MAGOHB: variants seen among roughly 807,000 people sequenced by gnomAD.
The protein encoded by MAGOHB is protein mago nashi homolog 2.
In MAGOHB, 15 loss-of-function variants were observed where a neutral mutation model predicts 20.9. The ratio of observed to expected loss-of-function variants is 0.72; its 90% CI spans 0.48 to 1.11. The LOEUF (loss-of-function observed/expected upper bound fraction) is 1.11. Among genes scored for constraint, MAGOHB ranks in the 50% least tolerant of loss-of-function variants. MAGOHB has a pLI of 0.00. For synonymous variants in MAGOHB, 50 were observed against 57.9 expected, an observed-to-expected ratio of 0.86 and a Z score of 0.62; for missense variants, 162 against 177.6, an observed-to-expected ratio of 0.91 and a Z score of 0.50.
chr12:10,610,126 T>G (rs1259180437), intron 2 of MAGOHB, among the ~76,000 whole-genome samples, 185 bp from the exon 3 acceptor site: 1 of 152,230 alleles, frequency 6.6e-6, no homozygotes, highest in African/African-American at 2.4e-5. Context: ...TCTTGCCCTT[T>G]CCTTTCACAT....
downstream of MAGOHB, among the ~76,000 whole-genome samples, chr12:10,600,177 T>C (rs187109325): frequency 3.4e-4 from 52 of 152,224 alleles, 1 homozygote; most frequent in South Asian, 7.7e-3. Context: ...CTGTATGTTG[T>C]GCTTACTATC....
chr12:10,608,150 C>T (rs575692423), intron 3 of MAGOHB: 1 of 372,210 alleles, frequency 2.7e-6, no homozygotes, highest in Admixed American at 4.8e-5. Flanking sequence ...AGTTTAGGAC[C>T]AACAAAGAAT....
chr12:10,604,792 C>T lies in MAGOHB; in HGVS notation c.*1483G>A, dbSNP rs1865595311. Reference sequence around the variant, plus strand: ...ATGAAGTGGAAATCATTTGACTTTCCATGGCAAACCTGAAGACAATGGGCA... The same window carrying T: ...ATGAAGTGGAAATCATTTGACTTTCTATGGCAAACCTGAAGACAATGGGCA... On this transcript the variant is annotated 3_prime_UTR_variant, in exon 5 of 5. Coordinates refer to ENST00000320756, the MANE Select transcript of MAGOHB (RefSeq NM_018048.5). The T allele has an allele frequency of 6.6e-6, 1 of 152,140 alleles. No individual in the cohort carries two copies. Among genetic ancestry groups the T allele is most frequent in the African/African-American group, 2.4e-5 (1 of 41,422 alleles). The allele number at this position is 152,140 out of a possible 1,614,324, so 9.4% of individuals were successfully genotyped here. A position where few individuals can be genotyped will look rare whatever the true frequency, so the allele number is the denominator to read the frequency against.
intron 3 of MAGOHB, chr12:10,608,572 C>A (rs1865669266): frequency 7.5e-6 from 1 of 132,768 alleles, no homozygotes. Flanking sequence ...ACTAATACTC[C>A]ACAAAATAAC....
downstream of MAGOHB, among the ~76,000 whole-genome samples, chr12:10,603,292 T>A (rs1251301967): frequency 8.0e-6 from 1 of 125,288 alleles, no homozygotes; most frequent in Non-Finnish European, 1.6e-5. Flanking sequence ...CCAGCCTGGG[T>A]GACAGAGGGA....
chr12:10,607,841 T>C lies in MAGOHB; in HGVS notation c.347+13A>G, dbSNP rs540410003. On this transcript the variant is annotated intron_variant, in intron 4 of 4. Coordinates refer to ENST00000320756, the MANE Select transcript of MAGOHB (RefSeq NM_018048.5). Reference sequence around the variant, plus strand: ...ATAATGAAAACTTCGCCAAAATGCTTTAACATACTTACTTTGACTGATTTA... The same window carrying C: ...ATAATGAAAACTTCGCCAAAATGCTCTAACATACTTACTTTGACTGATTTA... 10 of 1,505,436 alleles carry C rather than the reference T, an allele frequency of 6.6e-6. No individual in the cohort carries two copies. In the East Asian group the frequency reaches 1.8e-4, roughly 28 times the overall value. The allele number at this position is 1,505,436 out of a possible 1,614,324, so 93.3% of individuals were successfully genotyped here.
At chr12:10,609,793 T>C in intron 3 of MAGOHB, 38 bp downstream of exon 3, 1 of 1,273,998 alleles carries the variant, frequency 7.8e-7, no homozygotes, top group Non-Finnish European at 1.1e-6. Context: ...TTATCAATTT[T>C]TAATATTTAT....
chr12:10,613,339 G>C (rs1305735613), intron 1 of MAGOHB, 100 bp downstream of exon 1: 6 of 1,003,034 alleles, frequency 6.0e-6, no homozygotes, highest in Non-Finnish European at 7.9e-6. Flanking sequence ...TATTTCCTTC[G>C]AGGGAAGCAG....
In MAGOHB at chr12:10,607,902, GAT is replaced by G. The variant is rs775657361; in HGVS notation, c.297_298del (p.Ser100PhefsTer11). 6.3e-7 allele frequency: 1 copy of G among 1,591,102 alleles called. No homozygotes were observed. The highest frequency in any genetic ancestry group is 8.6e-7 in the Non-Finnish European group (1 of 1,167,668). On this transcript the variant is annotated frameshift_variant, in exon 4 of 5. Coordinates refer to ENST00000320756, the MANE Select transcript of MAGOHB (RefSeq NM_018048.5). LOFTEE classifies it high-confidence loss of function. Reference sequence around the variant, plus strand: ...AGAACCTATTTTTGATGTGGTAAAAGATATGTGCTCATCTCCAATTACAATTT... The same window carrying G: ...AGAACCTATTTTTGATGTGGTAAAAGATGTGCTCATCTCCAATTACAATTT...
chr12:10,612,755 C>T, intron 1 of MAGOHB: 4 of 1,218,766 alleles, frequency 3.3e-6, no homozygotes, highest in Non-Finnish European at 4.2e-6. Context: ...ATGTAACATT[C>T]TCTAAGGATA....
At chr12:10,612,624 T>C in intron 1 of MAGOHB, 1 of 1,088,342 alleles carries the variant, frequency 9.2e-7, no homozygotes, top group South Asian at 2.4e-5. Flanking sequence ...TAAATTTGTC[T>C]TACTCATTAC....
Position 10,605,945 on chromosome 12 carries a change from T to G in MAGOHB, c.*330A>C, listed in dbSNP as rs1865621611. ...TCACAGGATATATCTACCAGAACAA[T>G]TTCTTATTATCTCTAAAGTGAATTA... On this transcript the variant is annotated 3_prime_UTR_variant, in exon 5 of 5. Coordinates refer to ENST00000320756, the MANE Select transcript of MAGOHB (RefSeq NM_018048.5). The G allele has an allele frequency of 1.2e-5, 2 of 160,236 alleles. No homozygotes were observed. The highest frequency in any genetic ancestry group is 4.8e-5 in the African/African-American group (2 of 41,780). 9.9% of individuals were successfully genotyped at this position (160,236 alleles called of 1,614,324 possible). A position where few individuals can be genotyped will look rare whatever the true frequency, so the allele number is the denominator to read the frequency against.
At chr12:10,606,565 T>C (rs967686985) in intron 4 of MAGOHB, among the ~76,000 whole-genome samples, 191 bp from the exon 5 acceptor site, 1 of 152,090 alleles carries the variant, frequency 6.6e-6, no homozygotes, top group Non-Finnish European at 1.5e-5. Flanking sequence ...AGTTTCTTCA[T>C]CAGTATTCAT....
downstream of MAGOHB, among the ~76,000 whole-genome samples, chr12:10,602,374 GAAAGCCAAATTTT>G (rs1865562101): frequency 6.6e-6 from 1 of 152,190 alleles, no homozygotes; most frequent in South Asian, 2.1e-4. Context: ...CTGACGACGG[GAAAGCCAAATTTT>G]CTAGCTGCTC....
intron 1 of MAGOHB, among the ~76,000 whole-genome samples, chr12:10,612,240 CA>C (rs964171891): frequency 1.5e-5 from 2 of 134,062 alleles, no homozygotes; most frequent in Non-Finnish European, 3.4e-5. Flanking sequence ...CATAACATAA[CA>C]TAACATAATT....
At position 10,604,294 on chromosome 12, in the gene MAGOHB, A is replaced by AGTTTCTAAT. The variant is rs1400421165; in HGVS notation, c.*1972_*1980dup. On this transcript the variant is annotated 3_prime_UTR_variant, in exon 5 of 5. Transcript: ENST00000320756. The stretch of plus-strand genomic sequence containing the variant: ...ATAAAACTAGTATTATACAAAATTC[A>AGTTTCTAAT]GTTTCTAATGATCACTGTCCATCAG... 1 of 152,228 alleles carries AGTTTCTAAT rather than the reference A, an allele frequency of 6.6e-6. No individual in the cohort carries two copies. Among genetic ancestry groups the AGTTTCTAAT allele is most frequent in the Non-Finnish European group, 1.5e-5 (1 of 68,028 alleles). 9.4% of individuals were successfully genotyped at this position (152,228 alleles called of 1,614,324 possible). A position where few individuals can be genotyped will look rare whatever the true frequency, so the allele number is the denominator to read the frequency against.
At chr12:10,613,404 T>C in intron 1 of MAGOHB, 35 bp downstream of exon 1, 1 of 1,595,116 alleles carries the variant, frequency 6.3e-7, no homozygotes, top group South Asian at 1.1e-5. Context: ...CTCGCTCCCC[T>C]TTCCCAGCAC....
At position 10,609,844 on chromosome 12, in the gene MAGOHB, C is replaced by T. The variant is rs762900140; in HGVS notation, c.251G>A (p.Arg84Lys). Residue 84 changes from arginine (R) to lysine (K), a missense_variant, in exon 3 of 5, where the codon AGG becomes AAG. Arg to Lys is a conservative substitution (Grantham distance 26). Coordinates refer to ENST00000320756, the MANE Select transcript of MAGOHB (RefSeq NM_018048.5). Reference sequence around the variant, plus strand: ...CTAAATACAAACCTGTCGGCCAACCCTATCAGGGGGAGGCCACAAAGCATC... The same window carrying T: ...CTAAATACAAACCTGTCGGCCAACCTTATCAGGGGGAGGCCACAAAGCATC... ...EDDALWPPPDRVGRQELEIVI... is the reference protein window; with the variant it reads ...EDDALWPPPDKVGRQELEIVI... 4.3e-6 allele frequency: 7 copies of T among 1,609,206 alleles called. No individual in the cohort carries two copies. Among genetic ancestry groups the T allele is most frequent in the Non-Finnish European group, 5.9e-6 (7 of 1,176,526 alleles).
In MAGOHB at chr12:10,610,576, G is replaced by A. The variant is rs11053879; in HGVS notation, c.153+46C>T. 0.036 allele frequency: 18,298 copies of A among 513,416 alleles called. 1,713 individuals are homozygous for A. In the East Asian group the frequency reaches 0.38, roughly 11 times the overall value. The allele number at this position is 513,416 out of a possible 1,614,324, so 31.8% of individuals were successfully genotyped here. ...CAGACTTGAAGAAAATGGGCTAAATGCAAAAAAAAAAAAAAAAAAAAAAAA... is the reference window on the plus strand; with the variant it reads ...CAGACTTGAAGAAAATGGGCTAAATACAAAAAAAAAAAAAAAAAAAAAAAA... On this transcript the variant is annotated intron_variant, in intron 2 of 4. Transcript: ENST00000320756.
Sources: allele counts gnomAD v4.1 joint callset (sites outside exome capture counted in the v4.1 genomes callset), GRCh38; gene constraint gnomAD v4.1.1; transcripts MANE v1.5; gene names NCBI Gene and HGNC (gene_info 2026-07-23, HGNC 2026-07-21).